Variants in NPEPL1 observed in about 807,000 individuals in gnomAD.
The protein encoded by NPEPL1 is aminopeptidase like 1, also known as probable aminopeptidase NPEPL1.
A neutral mutation model predicts 52.4 loss-of-function variants in NPEPL1; 45 were observed. The observed-to-expected ratio is 0.86, with a 90% confidence interval of 0.68 to 1.10. NPEPL1 has a LOEUF of 1.10. NPEPL1 is among the 50% of genes least tolerant of loss of function. The pLI is 0.00. For synonymous variants in NPEPL1, 360 were observed against 314.7 expected (o/e 1.14, Z -1.52); for missense variants, 696 against 710.9 (o/e 0.98, Z 0.24).
At chr20:58,691,717 T>TTTTTTTTTTTG, upstream of NPEPL1, 2 of 747,886 alleles carry the variant, frequency 2.7e-6, no homozygotes, top group Non-Finnish European at 4.4e-6. Context: ...TTTTTTTTCA[T>TTTTTTTTTTTG]TTTTAGGCTG....
chr20:58,712,102 TGTGTGTGTAC>T (rs1438077752), intron 7 of NPEPL1, among the ~76,000 whole-genome samples: 1 of 97,686 alleles, frequency 1.0e-5, no homozygotes, highest in African/African-American at 3.0e-5. Context: ...CCTGCCCCTC[TGTGTGTGTAC>T]GTGTGTGTGT....
intron 3 of NPEPL1, among the ~76,000 whole-genome samples, chr20:58,695,524 C>T (rs2084470243): frequency 6.6e-6 from 1 of 152,182 alleles, no homozygotes; most frequent in Non-Finnish European, 1.5e-5. Context: ...CTGCCACCTC[C>T]AGTCCCCGAG....
upstream of NPEPL1, among the ~76,000 whole-genome samples, chr20:58,689,386 G>A (rs145414632): frequency 0.023 from 3,440 of 151,926 alleles, 63 homozygotes; most frequent in Non-Finnish European, 0.034. Flanking sequence ...TCAGCCTCCC[G>A]AGTAGCTGGG....
chr20:58,707,075 T>C (rs1171182717), intron 6 of NPEPL1, 48 bp from the exon 7 acceptor site: 3 of 1,529,902 alleles, frequency 2.0e-6, no homozygotes, highest in South Asian at 1.2e-5. Flanking sequence ...CTGCCAGGCC[T>C]GGACCTCACA....
intron 6 of NPEPL1, among the ~76,000 whole-genome samples, chr20:58,702,412 C>T (rs77640568): frequency 0.032 from 4,938 of 152,324 alleles, 91 homozygotes; most frequent in Middle Eastern, 0.068. Flanking sequence ...CAGCTCGCCG[C>T]GCTCTCTAGC....
chr20:58,705,469 G>T (rs1015841934), intron 6 of NPEPL1: 1 of 456,218 alleles, frequency 2.2e-6, no homozygotes, highest in Non-Finnish European at 4.4e-6. Context: ...AAATTCTAAC[G>T]TGAAATTGGC....
rs1268704964 is a variant in NPEPL1, at chr20:58,693,163, A to T, written c.150+113A>T. 4 of 744,072 alleles carry T rather than the reference A, an allele frequency of 5.4e-6. No individual in the cohort carries two copies. The African/African-American group carries it at 7.7e-5, about 14-fold the overall frequency. 46.1% of individuals were successfully genotyped at this position (744,072 alleles called of 1,614,324 possible). Reference sequence around the variant, plus strand: ...CCCCGCCGCCGCCGGGCCGGGCCCAACGAGGCCGGGCCGCCTCCCTGAAGG... The same window carrying T: ...CCCCGCCGCCGCCGGGCCGGGCCCATCGAGGCCGGGCCGCCTCCCTGAAGG... On this transcript the variant is annotated intron_variant, in intron 1 of 11. Transcript: ENST00000356091.
intron 7 of NPEPL1, chr20:58,710,914 A>C (rs530795534): frequency 6.6e-6 from 1 of 152,336 alleles, no homozygotes; most frequent in Admixed American, 6.5e-5. Context: ...AGCACTTCTC[A>C]AGTGGGGTCC....
upstream of NPEPL1, chr20:58,690,936 G>A (rs560062394): frequency 1.3e-5 from 7 of 538,868 alleles, no homozygotes; most frequent in Admixed American, 3.1e-5. Context: ...CTCCCCAGTC[G>A]ATCTCCTCAC....
chr20:58,694,062 G>A, intron 2 of NPEPL1, 140 bp downstream of exon 2: 1 of 880,354 alleles, frequency 1.1e-6, no homozygotes, highest in South Asian at 1.9e-5. Flanking sequence ...TCTGTAGACA[G>A]GGAAACAGGT....
upstream of NPEPL1, chr20:58,691,708 T>TAA: frequency 4.1e-6 from 3 of 739,654 alleles, no homozygotes; most frequent in Non-Finnish European, 6.4e-6. Flanking sequence ...TTTTTTTTTT[T>TAA]TTTTTTCATT....
chr20:58,693,533 C>T, intron 1 of NPEPL1: 1 of 511,442 alleles, frequency 2.0e-6, no homozygotes, highest in Non-Finnish European at 3.5e-6. Context: ...TTCATCCCAC[C>T]AGGGGGATGC....
At position 58,715,174 on chromosome 20, in the gene NPEPL1, C is replaced by T. The variant is rs377056067; in HGVS notation, c.1420C>T (p.Arg474Ter). 7.5e-6 allele frequency: 12 copies of T among 1,597,724 alleles called. No individual in the cohort carries two copies. The highest frequency in any genetic ancestry group is 4.5e-5 in the East Asian group (2 of 44,006). The change falls in exon 12 of 12, where the codon CGA becomes TGA. Residue 474 changes from arginine (R) to a stop codon, truncating the protein, a stop_gained. Coordinates refer to ENST00000356091, the MANE Select transcript of NPEPL1 (RefSeq NM_024663.4). LOFTEE classifies it high-confidence loss of function. Reference sequence around the variant, plus strand: ...TCCTGCCCTTTGCTTGCAGGGTGAGCGAGCCACAGGCTTCGGTGTGGCCCT... The same window carrying T: ...TCCTGCCCTTTGCTTGCAGGGTGAGTGAGCCACAGGCTTCGGTGTGGCCCT... ...DIAAPVHAGE[R>*]ATGFGVALLL...
intron 5 of NPEPL1, among the ~76,000 whole-genome samples, chr20:58,699,877 C>T (rs1031626543): frequency 1.2e-4 from 18 of 152,330 alleles, no homozygotes; most frequent in East Asian, 3.9e-4. Context: ...ACAAATCACT[C>T]GGAAGATAGC....
In NPEPL1 at chr20:58,706,981, G is replaced by C. The variant is rs562845045; in HGVS notation, c.823-142G>C. The C allele has an allele frequency of 6.1e-4, 496 of 811,398 alleles. No individual in the cohort carries two copies. In the African/African-American group the frequency reaches 7.6e-3, roughly 13 times the overall value. 50.3% of individuals were successfully genotyped at this position (811,398 alleles called of 1,614,324 possible). ...GTTCATGAGTTCTGTGGGTGCCCAG[G>C]AGGCCTGGTGTGGGGGCTGCCCAGG... On this transcript the variant is annotated intron_variant, in intron 6 of 11. Transcript: ENST00000356091.
At chr20:58,703,472 C>T (rs976733375) in intron 6 of NPEPL1, 6 of 976,420 alleles carry the variant, frequency 6.1e-6, no homozygotes, top group Middle Eastern at 5.2e-4. Context: ...CACCCTCGCA[C>T]GCACCCTCAA....
Position 58,695,608 on chromosome 20 carries a change from C to T in NPEPL1, c.507+1016C>T, listed in dbSNP as rs117094540. 3.2e-3 allele frequency among the ~76,000 whole-genome samples: 487 copies of T among 152,272 alleles called. 4 individuals are homozygous for T. The highest frequency in any genetic ancestry group is 5.4e-3 in the Non-Finnish European group (366 of 68,020). ...TTCACTTCTGGCTCTGGAAGGCTGT[C>T]GCCTTCACCCAGGCAAGCTCTCCCA... is the stretch of plus-strand genomic sequence containing the variant. On this transcript the variant is annotated intron_variant, in intron 3 of 11. Coordinates refer to ENST00000356091, the MANE Select transcript of NPEPL1 (RefSeq NM_024663.4).
At chr20:58,712,612 C>G (rs749658709) in intron 8 of NPEPL1, 33 bp downstream of exon 8, 1 of 1,478,420 alleles carries the variant, frequency 6.8e-7, no homozygotes, top group Non-Finnish European at 9.5e-7. Flanking sequence ...TTCCTGCCCA[C>G]TGTTGGAACT....
rs1418631857 is a variant in NPEPL1, at chr20:58,703,721, C to T, written c.822+2563C>T. ...TAGACCTGTGCAGTTAGTCAGCTCCCGGCCTGGAAATTAACACAAAGGAAA... is the reference window on the plus strand; with the variant it reads ...TAGACCTGTGCAGTTAGTCAGCTCCTGGCCTGGAAATTAACACAAAGGAAA... On this transcript the variant is annotated intron_variant, in intron 6 of 11. Transcript: ENST00000356091. The T allele has an allele frequency of 1.0e-5, 10 of 984,514 alleles. No homozygotes were observed. The African/African-American group carries it at 1.1e-4, about 10-fold the overall frequency. 61.0% of individuals were successfully genotyped at this position (984,514 alleles called of 1,614,324 possible). A position where few individuals can be genotyped will look rare whatever the true frequency, so the allele number is the denominator to read the frequency against.
Sources: allele counts gnomAD v4.1 joint callset (sites outside exome capture counted in the v4.1 genomes callset), GRCh38; gene constraint gnomAD v4.1.1; transcripts MANE v1.5; gene names NCBI Gene and HGNC (gene_info 2026-07-23, HGNC 2026-07-21).